Variants in ZNF462 observed in about 807,000 individuals in gnomAD.
ZNF462 encodes the protein zinc finger protein 462.
A neutral mutation model predicts 201.9 loss-of-function variants in ZNF462; 10 were observed. The ratio of observed to expected loss-of-function variants is 0.05; its 90% CI spans 0.03 to 0.08. ZNF462 has a LOEUF of 0.08. Among genes scored for constraint, ZNF462 ranks in the 10% least tolerant of loss-of-function variants. The pLI is 1.00. For synonymous variants in ZNF462, 1,227 were observed against 1,193.3 expected (o/e 1.03, Z -0.58); for missense variants, 2,523 against 3,168.3 (o/e 0.80, Z 4.89).
chr9:106,987,161 T>C (rs745833835), intron 10 of ZNF462, among the ~76,000 whole-genome samples: 11 of 152,206 alleles, frequency 7.2e-5, no homozygotes, highest in Admixed American at 3.3e-4. Flanking sequence ...TAGTGACTTT[T>C]CCTCTGGGTA....
rs1827086275 is a variant in ZNF462, at chr9:106,977,372, A to G, written c.6832+3099A>G. ...AATTAAAGTATGTGGGATGAAAAGC[A>G]AGAAAACCAACTTCTGAACTGGCCC... On this transcript the variant is annotated intron_variant, in intron 9 of 12. Transcript: ENST00000277225. This position sits in a 1 kb window ranked among gnomAD's most constrained non-coding sequence, Gnocchi z 4.6. Among the ~76,000 whole-genome samples the G allele has an allele frequency of 6.6e-6, 1 of 151,602 alleles. No homozygotes were observed. Among genetic ancestry groups the G allele is most frequent in the East Asian group, 1.9e-4 (1 of 5,194 alleles).
chr9:106,935,472 ATTTTTC>A lies in ZNF462; in HGVS notation c.6117-25_6117-20del. On this transcript the variant is annotated intron_variant, in intron 5 of 12. Transcript: ENST00000277225. This position sits in a 1 kb window ranked among gnomAD's most constrained non-coding sequence, Gnocchi z 4.1. Reference sequence around the variant, plus strand: ...CCTCTATGCAATTTTTAATTTTGTCATTTTTCTTTTTGTTTTCCTTCTACATCAAGT... The same window carrying A: ...CCTCTATGCAATTTTTAATTTTGTCATTTTTGTTTTCCTTCTACATCAAGT... The A allele has an allele frequency of 1.3e-6, 2 of 1,598,692 alleles. No individual in the cohort carries two copies. The highest frequency in any genetic ancestry group is 1.7e-6 in the Non-Finnish European group (2 of 1,166,760).
Position 106,974,149 on chromosome 9 carries a change from T to G in ZNF462, c.6708T>G (p.Thr2236=). ...SFYTGFKSAF[T]MHVEAGHSAV... is the part of the protein sequence containing the mutation. ...AACTCTCTCCTAGATCTGCTTTTACTATGCACGTGGAAGCTGGGCACTCAG... is the reference window on the plus strand; with the variant it reads ...AACTCTCTCCTAGATCTGCTTTTACGATGCACGTGGAAGCTGGGCACTCAG... Residue 2236 remains threonine, a synonymous_variant, in exon 9 of 13, where the codon ACT becomes ACG. Transcript: ENST00000277225. This position sits in a 1 kb window ranked among gnomAD's most constrained non-coding sequence, Gnocchi z 4.0. 5.0e-6 allele frequency: 8 copies of G among 1,614,154 alleles called. No individual in the cohort carries two copies. Among genetic ancestry groups the G allele is most frequent in the Non-Finnish European group, 6.8e-6 (8 of 1,180,008 alleles).
chr9:106,994,062 A>G (rs1828500279), intron 10 of ZNF462, among the ~76,000 whole-genome samples: 1 of 152,172 alleles, frequency 6.6e-6, no homozygotes, highest in African/African-American at 2.4e-5. Context: ...TTGCTAGTTT[A>G]AGGAACATAA....
At chr9:106,996,594 T>C (rs1008487836) in intron 10 of ZNF462, among the ~76,000 whole-genome samples, 4 of 152,214 alleles carry the variant, frequency 2.6e-5, no homozygotes, top group Non-Finnish European at 5.9e-5. Flanking sequence ...ATGTGTCTGT[T>C]GGCTGCATAA....
In ZNF462 at chr9:106,984,369, A is replaced by G. The variant is rs200001501; in HGVS notation, c.7016A>G (p.His2339Arg). The G allele has an allele frequency of 4.3e-6, 7 of 1,614,022 alleles. No homozygotes were observed. The highest frequency in any genetic ancestry group is 1.7e-5 in the Admixed American group (1 of 60,006). Reference sequence around the variant, plus strand: ...CAGCTCTGCTACTATGAGACCAAGCACACGGAGGAACTGGACAGCCACCTT... The same window carrying G: ...CAGCTCTGCTACTATGAGACCAAGCGCACGGAGGAACTGGACAGCCACCTT... The part of the protein sequence containing the change: ...KCQLCYYETK[H>R]TEELDSHLRD... The change falls in exon 10 of 13, where the codon CAC becomes CGC. Residue 2339 changes from histidine to arginine, a missense_variant. Physicochemically the swap from His to Arg is conservative, Grantham distance 29. Around this residue, in one of 15 missense-constraint regions of ZNF462, gnomAD observed 228 missense variants for 361.2 expected, o/e 0.63. Transcript: ENST00000277225. The surrounding 1 kb of genome is among the most constrained non-coding windows in gnomAD (Gnocchi z 6.4).
chr9:106,939,538 G>T (rs984745918), intron 7 of ZNF462, among the ~76,000 whole-genome samples: 4 of 152,204 alleles, frequency 2.6e-5, no homozygotes, highest in Non-Finnish European at 5.9e-5. Context: ...CAGAGTAGGA[G>T]TGCAAAGGGT....
chr9:106,863,811 T>G (rs1215879968), intron 1 of ZNF462, among the ~76,000 whole-genome samples: 7 of 134,534 alleles, frequency 5.2e-5, no homozygotes, highest in African/African-American at 1.4e-4. Context: ...GGGACAGGAG[T>G]AGGGACAGAG....
intron 7 of ZNF462, 80 bp from the exon 8 acceptor site, chr9:106,971,925 A>G (rs1329575360): frequency 2.4e-5 from 36 of 1,513,016 alleles, no homozygotes; most frequent in Non-Finnish European, 3.2e-5. Flanking sequence ...GTAAAAAGAA[A>G]CCTGATGTCA....
intron 10 of ZNF462, among the ~76,000 whole-genome samples, chr9:107,002,175 T>A (rs1370477419): frequency 6.6e-6 from 1 of 152,194 alleles, no homozygotes; most frequent in Non-Finnish European, 1.5e-5. Context: ...ATCATCTAGC[T>A]GTGTCCTCAT....
At position 106,970,814 on chromosome 9, in the gene ZNF462, T is replaced by C. The variant is rs992877068; in HGVS notation, c.6428-1191T>C. Among the ~76,000 whole-genome samples the C allele has an allele frequency of 6.7e-6, 1 of 149,268 alleles. No individual in the cohort carries two copies. Among genetic ancestry groups the C allele is most frequent in the Non-Finnish European group, 1.5e-5 (1 of 67,812 alleles). On this transcript the variant is annotated intron_variant, in intron 7 of 12. Coordinates refer to ENST00000277225, the MANE Select transcript of ZNF462 (RefSeq NM_021224.6). This position sits in a 1 kb window ranked among gnomAD's most constrained non-coding sequence, Gnocchi z 4.2. ...CCTCTCCCCCAACCCCTTTATTTAT[T>C]TATTTTTACTTTTTTTTCTCTTCTT...
intron 1 of ZNF462, among the ~76,000 whole-genome samples, chr9:106,887,047 T>A (rs1828350952): frequency 1.3e-5 from 2 of 152,176 alleles, no homozygotes; most frequent in South Asian, 4.1e-4. Flanking sequence ...GACATCCTAT[T>A]TCCAAATGTT....
chr9:106,896,639 G>A (rs1019945509), intron 1 of ZNF462, among the ~76,000 whole-genome samples: 3 of 152,190 alleles, frequency 2.0e-5, no homozygotes, highest in African/African-American at 7.2e-5. Context: ...GACAGAACCT[G>A]TGTCCTCCTT....
In ZNF462 at chr9:106,926,738, A is replaced by C; in HGVS notation, c.2826A>C (p.Pro942=). Residue 942 remains proline (P), a synonymous_variant, in exon 3 of 13, where the codon CCA becomes CCC. Transcript: ENST00000277225. This position sits in a 1 kb window ranked among gnomAD's most constrained non-coding sequence, Gnocchi z 7.9. Reference sequence around the variant, plus strand: ...GCCCGAATGTTAGAAGCCTGATGCCACATTACCAAAGAATGCATCCCACGG... The same window carrying C: ...GCCCGAATGTTAGAAGCCTGATGCCCCATTACCAAAGAATGCATCCCACGG... ...YTSPNVRSLM[P]HYQRMHPTVK... 1.9e-6 allele frequency: 3 copies of C among 1,614,170 alleles called. No homozygotes were observed. Among genetic ancestry groups the C allele is most frequent in the Non-Finnish European group, 2.5e-6 (3 of 1,180,030 alleles).
At chr9:106,864,096 CTCTCTCTCT>C (rs1827206824) in intron 1 of ZNF462, among the ~76,000 whole-genome samples, 4 of 127,310 alleles carry the variant, frequency 3.1e-5, no homozygotes, top group Non-Finnish European at 5.2e-5. Flanking sequence ...CTCTCTCTCT[CTCTCTCTCT>C]CTCTCCCTCT....
chr9:106,947,198 A>T (rs1831147911), intron 7 of ZNF462, among the ~76,000 whole-genome samples: 1 of 152,184 alleles, frequency 6.6e-6, no homozygotes, highest in Admixed American at 6.5e-5. Flanking sequence ...CGTCAAGTTC[A>T]ACCCAAAGGA....
At chr9:106,947,189 G>A (rs1030129499) in intron 7 of ZNF462, among the ~76,000 whole-genome samples, 3 of 152,138 alleles carry the variant, frequency 2.0e-5, no homozygotes, top group Admixed American at 1.3e-4. Context: ...TTTCCGAGTC[G>A]TCAAGTTCAA....
chr9:106,918,687 A>G (rs1424832001), intron 1 of ZNF462, among the ~76,000 whole-genome samples: 2 of 152,204 alleles, frequency 1.3e-5, no homozygotes, highest in Non-Finnish European at 2.9e-5. Flanking sequence ...CTCCCAATAC[A>G]CATCACAAAT....
chr9:106,937,269 A>G (rs1438194076), intron 6 of ZNF462, among the ~76,000 whole-genome samples: 3 of 152,132 alleles, frequency 2.0e-5, no homozygotes, highest in Non-Finnish European at 4.4e-5. Flanking sequence ...ATATTGTCAT[A>G]TATATATTCA....
Sources: allele counts gnomAD v4.1 joint callset (sites outside exome capture counted in the v4.1 genomes callset), GRCh38; gene constraint gnomAD v4.1.1; regional missense constraint gnomAD v4.1.1; non-coding constraint Gnocchi (gnomAD v3.1); transcripts MANE v1.5; gene names NCBI Gene and HGNC (gene_info 2026-07-23, HGNC 2026-07-21).